Variants in WWC1 observed in about 807,000 individuals in gnomAD.
WWC1 encodes the protein protein KIBRA.
In WWC1, 55 loss-of-function variants were observed where a neutral mutation model predicts 138.4. The ratio of observed to expected loss-of-function variants is 0.40; its 90% CI spans 0.32 to 0.50. WWC1 has a LOEUF of 0.50. WWC1 is among the 20% of genes least tolerant of loss of function. The pLI, the probability that WWC1 is intolerant of heterozygous loss-of-function variation, is 0.72. For missense variants in WWC1, 1,226 were observed against 1,420.4 expected, an observed-to-expected ratio of 0.86 and a Z score of 2.20; for synonymous variants, 524 against 564.9, an observed-to-expected ratio of 0.93 and a Z score of 1.03.
At chr5:168,309,568 C>T in intron 1 of WWC1, among the ~76,000 whole-genome samples, 1 of 152,106 alleles carries the variant, frequency 6.6e-6, no homozygotes, top group South Asian at 2.1e-4. Context: ...CATCTAGCTG[C>T]CAAGTTCTGC....
At chr5:168,375,899 A>G (rs988956073) in intron 2 of WWC1, among the ~76,000 whole-genome samples, 7 of 152,082 alleles carry the variant, frequency 4.6e-5, no homozygotes, top group African/African-American at 1.7e-4. Context: ...TCTAAAACAT[A>G]AGCCATTTTT....
At position 168,465,548 on chromosome 5, in the gene WWC1, CTTTTTTTTTT is replaced by C. The variant is rs10527141; in HGVS notation, c.3150+605_3150+614del. Among the ~76,000 whole-genome samples, 26 of 46,950 alleles carry C rather than the reference CTTTTTTTTTT, an allele frequency of 5.5e-4. 2 individuals carry two copies. In the South Asian group the frequency reaches 0.012, roughly 21 times the overall value. 30.8% of individuals were successfully genotyped at this position (46,950 alleles called of 152,430 possible). ...CACACAAAGTTTTATATCAGCTGGGCTTTTTTTTTTTTTTTTTTTTTTTTTTTTGGAGATG... is the reference window on the plus strand; with the variant it reads ...CACACAAAGTTTTATATCAGCTGGGCTTTTTTTTTTTTTTTTTTGGAGATG... On this transcript the variant is annotated intron_variant, in intron 21 of 22. Coordinates refer to ENST00000265293, the MANE Select transcript of WWC1 (RefSeq NM_015238.3).
intron 1 of WWC1, among the ~76,000 whole-genome samples, chr5:168,359,352 CCTATACA>C (rs1247462747): frequency 1.3e-5 from 2 of 152,172 alleles, no homozygotes; most frequent in African/African-American, 4.8e-5. Flanking sequence ...CCACGTCTGG[CCTATACA>C]CTATAGAGTT....
chr5:168,372,281 G>A (rs139750178), intron 2 of WWC1, among the ~76,000 whole-genome samples: 3 of 152,218 alleles, frequency 2.0e-5, no homozygotes, highest in South Asian at 2.1e-4. Flanking sequence ...GAGAGTTGAT[G>A]TGTGTTTGGG....
intron 1 of WWC1, among the ~76,000 whole-genome samples, chr5:168,332,530 CA>C (rs370883207): frequency 5.3e-5 from 8 of 152,228 alleles, no homozygotes; most frequent in African/African-American, 1.9e-4. Flanking sequence ...TTTGTGTGCA[CA>C]TGCATGTGTG....
At chr5:168,372,001 T>C (rs1330231504) in intron 2 of WWC1, among the ~76,000 whole-genome samples, 2 of 151,976 alleles carry the variant, frequency 1.3e-5, no homozygotes, top group Non-Finnish European at 2.9e-5. Context: ...CATGTATGCA[T>C]ATATGTCCAT....
chr5:168,458,884 A>G (rs1006643348), intron 19 of WWC1, among the ~76,000 whole-genome samples: 4 of 152,232 alleles, frequency 2.6e-5, no homozygotes, highest in Admixed American at 2.6e-4. Flanking sequence ...CTACAACTTA[A>G]GGATCAATTA....
Position 168,385,249 on chromosome 5 carries a change from C to T in WWC1, c.268C>T (p.Arg90Trp), listed in dbSNP as rs756427059. The change falls in exon 3 of 23, where the codon CGG becomes TGG. Residue 90 changes from arginine (R) to tryptophan (W), a missense_variant. Transcript: ENST00000265293. ...TGAGGATCCTCGAGTACAATGGCGG[C>T]GGGAGCAGGAACATATGCTGAAGGA... ...QIEDPRVQWR[R>W]EQEHMLKDYL... 54 of 1,613,956 alleles carry T rather than the reference C, an allele frequency of 3.3e-5. No individual in the cohort carries two copies. Among genetic ancestry groups the T allele is most frequent in the East Asian group, 4.5e-5 (2 of 44,896 alleles).
At chr5:168,392,545 T>A (rs1052772903) in intron 3 of WWC1, among the ~76,000 whole-genome samples, 1 of 151,908 alleles carries the variant, frequency 6.6e-6, no homozygotes, top group African/African-American at 2.4e-5. Context: ...AGAAGAAAAT[T>A]ATCCGAGTGT....
intron 19 of WWC1, 75 bp from the exon 20 acceptor site, chr5:168,460,575 C>A: frequency 6.9e-7 from 1 of 1,458,212 alleles, no homozygotes. Context: ...GGAACCTGAC[C>A]TCCCTCTAGG....
intron 1 of WWC1, among the ~76,000 whole-genome samples, chr5:168,360,260 ATG>A (rs1775786908): frequency 6.6e-6 from 1 of 152,208 alleles, no homozygotes; most frequent in South Asian, 2.1e-4. Context: ...AAAATGCTGA[ATG>A]TGTTTAAAAA....
Position 168,364,580 on chromosome 5 carries a change from G to A in WWC1, c.120-6844G>A, listed in dbSNP as rs182098137. Among the ~76,000 whole-genome samples the A allele has an allele frequency of 7.2e-5, 11 of 152,318 alleles. No homozygotes were observed. The East Asian group carries it at 9.6e-4, about 13-fold the overall frequency. ...AAGCAGAAACATGGCTTCTTCAAGCGTCTGAGCCCTCGTAGTGCCTAGCAT... is the reference window on the plus strand; with the variant it reads ...AAGCAGAAACATGGCTTCTTCAAGCATCTGAGCCCTCGTAGTGCCTAGCAT... On this transcript the variant is annotated intron_variant, in intron 1 of 22. Transcript: ENST00000265293.
At chr5:168,356,214 G>A (rs1775402376) in intron 1 of WWC1, among the ~76,000 whole-genome samples, 1 of 152,258 alleles carries the variant, frequency 6.6e-6, no homozygotes, top group Non-Finnish European at 1.5e-5. Context: ...TCGCTGAAGA[G>A]CGTGTTTATT....
At chr5:168,319,369 G>A (rs538822706) in intron 1 of WWC1, among the ~76,000 whole-genome samples, 11 of 152,280 alleles carry the variant, frequency 7.2e-5, no homozygotes, top group South Asian at 6.2e-4. Flanking sequence ...GCAGTAAGCC[G>A]AGATTGCAAC....
chr5:168,442,838 GAAAAA>G (rs201792324), intron 16 of WWC1, among the ~76,000 whole-genome samples: 1 of 81,998 alleles, frequency 1.2e-5, no homozygotes, highest in African/African-American at 4.8e-5. Context: ...CTCCATCTCA[GAAAAA>G]AAAAAAAAAG....
intron 1 of WWC1, among the ~76,000 whole-genome samples, chr5:168,327,750 C>G (rs1295074498): frequency 6.6e-6 from 1 of 152,134 alleles, no homozygotes; most frequent in Non-Finnish European, 1.5e-5. Context: ...TTAACAAAAG[C>G]CTGAGTGTGG....
At chr5:168,295,194 G>A (rs886100137) in intron 1 of WWC1, among the ~76,000 whole-genome samples, 5 of 152,132 alleles carry the variant, frequency 3.3e-5, no homozygotes, top group African/African-American at 1.2e-4. Context: ...CCTCTCTGAG[G>A]TTTGAGTGCT....
intron 15 of WWC1, among the ~76,000 whole-genome samples, chr5:168,434,556 C>T (rs374707129): frequency 1.6e-3 from 245 of 152,190 alleles, no homozygotes; most frequent in African/African-American, 5.6e-3. Context: ...GGGATCAAGG[C>T]CCAGAAAGGC....
intron 1 of WWC1, among the ~76,000 whole-genome samples, chr5:168,335,042 A>G (rs1283187682): frequency 6.8e-6 from 1 of 148,016 alleles, no homozygotes; most frequent in Non-Finnish European, 1.5e-5. Context: ...TTTCCCCTCT[A>G]AAAAAAAAAT....
Sources: allele counts gnomAD v4.1 joint callset (sites outside exome capture counted in the v4.1 genomes callset), GRCh38; gene constraint gnomAD v4.1.1; transcripts MANE v1.5; gene names NCBI Gene and HGNC (gene_info 2026-07-23, HGNC 2026-07-21).